NTSR2: variants seen among roughly 807,000 people sequenced by gnomAD.
The protein encoded by NTSR2 is neurotensin receptor type 2.
A neutral mutation model predicts 24.1 loss-of-function variants in NTSR2; 22 were observed. That is an observed-to-expected ratio of 0.91 (90% CI 0.65 to 1.30). The LOEUF is 1.30. NTSR2 is among the 50% of genes most tolerant of loss of function. The pLI, the probability that NTSR2 is intolerant of heterozygous loss-of-function variation, is 0.00. For missense variants in NTSR2, 570 were observed against 570.4 expected, an observed-to-expected ratio of 1.00 and a Z score of 0.01; for synonymous variants, 291 against 267.0, an observed-to-expected ratio of 1.09 and a Z score of -0.88.
chr2:11,668,081 G>GGGC lies in NTSR2; in HGVS notation c.624+1424_624+1425insGCC, dbSNP rs1572270016. Among the ~76,000 whole-genome samples the GGGC allele has an allele frequency of 5.3e-5, 8 of 152,202 alleles. No individual in the cohort carries two copies. The East Asian group carries it at 1.5e-3, about 29-fold the overall frequency. ...GTGGGGCATGCTCAATATCTGGAAGGATTCTGGCCGTGGAAAGTCCCTCTC... is the reference window on the plus strand; with the variant it reads ...GTGGGGCATGCTCAATATCTGGAAGGGGCATTCTGGCCGTGGAAAGTCCCTCTC... On this transcript the variant is annotated intron_variant, in intron 1 of 3. Transcript: ENST00000306928.
chr2:11,663,897 T>TA (rs1475003613), intron 1 of NTSR2, among the ~76,000 whole-genome samples: 1 of 152,074 alleles, frequency 6.6e-6, no homozygotes, highest in Non-Finnish European at 1.5e-5. Flanking sequence ...ACTAGAGAAA[T>TA]AGAGAAATGA....
At chr2:11,669,459 C>CGGGGGGGGGGGGGGGGCCG in intron 1 of NTSR2, 47 bp downstream of exon 1, 1 of 337,896 alleles carries the variant, frequency 3.0e-6, no homozygotes, top group Middle Eastern at 7.6e-4. Flanking sequence ...CTCCCAGCAC[C>CGGGGGGGGGGGGGGGGCCG]GCCCCCCCAC....
At position 11,669,486 on chromosome 2, in the gene NTSR2, C is replaced by G. The variant is rs765417896; in HGVS notation, c.624+20G>C. 4.0e-5 allele frequency: 49 copies of G among 1,229,724 alleles called. No homozygotes were observed. Among genetic ancestry groups the G allele is most frequent in the Admixed American group, 6.3e-5 (2 of 31,852 alleles). 76.2% of individuals were successfully genotyped at this position (1,229,724 alleles called of 1,614,324 possible). A position where few individuals can be genotyped will look rare whatever the true frequency, so the allele number is the denominator to read the frequency against. ...CCCCCCCACCCCCCCTCCCCCGACTCCCGCTCTCCACGCCCTTACCTGGAT... is the reference window on the plus strand; with the variant it reads ...CCCCCCCACCCCCCCTCCCCCGACTGCCGCTCTCCACGCCCTTACCTGGAT... On this transcript the variant is annotated intron_variant, in intron 1 of 3. Transcript: ENST00000306928.
At chr2:11,666,300 C>T (rs989785357) in intron 1 of NTSR2, among the ~76,000 whole-genome samples, 1 of 152,128 alleles carries the variant, frequency 6.6e-6, no homozygotes, top group African/African-American at 2.4e-5. Flanking sequence ...ACTCTCACAC[C>T]CCTTTGCTTA....
At chr2:11,660,264 G>C (rs2148483202) in intron 2 of NTSR2, 131 bp from the exon 3 acceptor site, 1 of 682,682 alleles carries the variant, frequency 1.5e-6, no homozygotes, top group East Asian at 2.7e-5. Flanking sequence ...TGGAGTCAAG[G>C]GTTGGAAGGA....
In NTSR2 at chr2:11,658,644, A is replaced by G. The variant is rs759760332; in HGVS notation, c.1068T>C (p.Leu356=). The G allele has an allele frequency of 2.5e-5, 41 of 1,614,092 alleles. No homozygotes were observed. The South Asian group carries it at 4.2e-4, about 16-fold the overall frequency. Residue 356 remains leucine (L), a synonymous_variant, in exon 4 of 4, where the codon CTT becomes CTC. Coordinates refer to ENST00000306928, the MANE Select transcript of NTSR2 (RefSeq NM_012344.4). ...AGGAGGAGGACACGGCGTTGTAGAG[A>G]AGAGGAGTCACAGCTGAGCTGACGT... The part of the protein sequence containing the change: ...LFYVSSAVTP[L]LYNAVSSSFR...
rs1483940919 is a variant in NTSR2, at chr2:11,658,359, G to T, written c.*120C>A. 1.4e-6 allele frequency: 2 copies of T among 1,381,958 alleles called. No individual in the cohort carries two copies. The highest frequency in any genetic ancestry group is 1.4e-5 in the African/African-American group (1 of 69,200). 85.6% of individuals were successfully genotyped at this position (1,381,958 alleles called of 1,614,324 possible). On this transcript the variant is annotated 3_prime_UTR_variant, in exon 4 of 4. Coordinates refer to ENST00000306928, the MANE Select transcript of NTSR2 (RefSeq NM_012344.4). ...CTTGATGGTTCTCAGCAGAGCAGGG[G>T]TTGATAGAAGTCGCCCTGGCTGCGA...
chr2:11,663,358 G>C (rs1315050003), intron 1 of NTSR2, among the ~76,000 whole-genome samples: 1 of 152,158 alleles, frequency 6.6e-6, no homozygotes, highest in Non-Finnish European at 1.5e-5. Flanking sequence ...GTGCACCAGA[G>C]AGCAACCAGT....
intron 1 of NTSR2, among the ~76,000 whole-genome samples, chr2:11,665,076 TTTTTTTTC>T (rs1410674989): frequency 1.2e-4 from 18 of 149,422 alleles, no homozygotes; most frequent in Non-Finnish European, 4.4e-5. Context: ...TTTTTTTTTT[TTTTTTTTC>T]CAAGCTTGTC....
chr2:11,662,760 A>G (rs4669764), intron 1 of NTSR2, among the ~76,000 whole-genome samples: 109,428 of 152,050 alleles, frequency 0.72, 39,477 homozygotes, highest in Admixed American at 0.8. Flanking sequence ...CAGCCTGGGC[A>G]ACAGAGCGAG....
intron 1 of NTSR2, among the ~76,000 whole-genome samples, chr2:11,668,576 C>T (rs1216909528): frequency 1.3e-5 from 2 of 152,188 alleles, no homozygotes; most frequent in South Asian, 2.1e-4. Context: ...GGTCCTGGCT[C>T]CACTCTGCTT....
intron 2 of NTSR2, among the ~76,000 whole-genome samples, chr2:11,661,201 C>T (rs1227963860): frequency 6.6e-6 from 1 of 152,218 alleles, no homozygotes. Context: ...TGAGAGGCAC[C>T]GTTTAGCCCA....
At chr2:11,666,294 T>C (rs772676246) in intron 1 of NTSR2, among the ~76,000 whole-genome samples, 1 of 152,134 alleles carries the variant, frequency 6.6e-6, no homozygotes, top group Non-Finnish European at 1.5e-5. Flanking sequence ...TACCAAACTC[T>C]CACACCCCTT....
At chr2:11,660,958 C>T (rs1661059475) in intron 2 of NTSR2, among the ~76,000 whole-genome samples, 1 of 152,164 alleles carries the variant, frequency 6.6e-6, no homozygotes, top group East Asian at 1.9e-4. Flanking sequence ...CTGCTACCTC[C>T]CTAAGAGACT....
intron 1 of NTSR2, chr2:11,666,032 G>A (rs988369665): frequency 6.6e-6 from 1 of 152,362 alleles, no homozygotes; most frequent in Non-Finnish European, 1.5e-5. Flanking sequence ...AGGCGCTTTA[G>A]CCCTTGGAAT....
chr2:11,669,463 CCCCCACCCCCCCT>C, intron 1 of NTSR2, 30 bp downstream of exon 1: 1 of 157,420 alleles, frequency 6.4e-6, no homozygotes, highest in Non-Finnish European at 1.3e-5. Context: ...CAGCACCGCC[CCCCCACCCCCCCT>C]CCCCCGACTC....
At chr2:11,665,067 T>TG (rs1661165917) in intron 1 of NTSR2, among the ~76,000 whole-genome samples, 5 of 146,468 alleles carry the variant, frequency 3.4e-5, no homozygotes, top group East Asian at 2.0e-4. Context: ...TTTTTTTTTT[T>TG]TTTTTTTTTT....
chr2:11,658,823 A>AG (rs1660998411), intron 3 of NTSR2, 101 bp from the exon 4 acceptor site: 2 of 1,363,018 alleles, frequency 1.5e-6, no homozygotes, highest in Non-Finnish European at 2.0e-6. Flanking sequence ...CTGCATGACG[A>AG]AGCCTATTTT....
intron 1 of NTSR2, among the ~76,000 whole-genome samples, chr2:11,667,136 G>A (rs942752509): frequency 2.0e-5 from 3 of 152,196 alleles, no homozygotes; most frequent in Non-Finnish European, 4.4e-5. Context: ...GAGCAGGAGC[G>A]AGAGGGGCTC....
Sources: allele counts gnomAD v4.1 joint callset (sites outside exome capture counted in the v4.1 genomes callset), GRCh38; gene constraint gnomAD v4.1.1; transcripts MANE v1.5; gene names NCBI Gene and HGNC (gene_info 2026-07-23, HGNC 2026-07-21).